The following ASF1B variants were observed in gnomAD, a reference collection of about 807,000 sequenced individuals.
The protein encoded by ASF1B is anti-silencing function 1B histone chaperone, also known as histone chaperone ASF1B.
Under a neutral mutation model 16.6 loss-of-function variants are expected in ASF1B, and 10 were observed. That is an observed-to-expected ratio of 0.60 (90% CI 0.37 to 1.02). ASF1B has a LOEUF of 1.02. ASF1B is among the 50% of genes least tolerant of loss of function. The probability of loss-of-function intolerance (pLI) is 0.01; values close to 1 mark genes in which losing one functional copy is unlikely to be tolerated. For missense variants in ASF1B, 240 were observed against 266.0 expected, an observed-to-expected ratio of 0.90 and a Z score of 0.68; for synonymous variants, 101 against 106.2, an observed-to-expected ratio of 0.95 and a Z score of 0.30.
intron 1 of ASF1B, among the ~76,000 whole-genome samples, chr19:14,130,443 A>G (rs558428690): frequency 2.8e-4 from 42 of 151,628 alleles, no homozygotes; most frequent in Non-Finnish European, 4.7e-4. Context: ...CTGAGGTGGG[A>G]GGACTGCTTA....
intron 1 of ASF1B, among the ~76,000 whole-genome samples, chr19:14,128,374 T>C (rs937786973): frequency 6.6e-6 from 1 of 152,200 alleles, no homozygotes; most frequent in African/African-American, 2.4e-5. Context: ...TGTCCCTTTG[T>C]GGTTTCACTC....
chr19:14,124,844 A>C (rs1967294648), intron 2 of ASF1B, among the ~76,000 whole-genome samples: 2 of 152,250 alleles, frequency 1.3e-5, no homozygotes. Context: ...GCTGAAGTGC[A>C]GTGTAGGATA....
chr19:14,128,440 T>C (rs1198710107), intron 1 of ASF1B, among the ~76,000 whole-genome samples: 1 of 152,160 alleles, frequency 6.6e-6, no homozygotes. Flanking sequence ...CACAGGTGTT[T>C]GGTCGAACTA....
chr19:14,122,309 T>C (rs1414822351), intron 2 of ASF1B, among the ~76,000 whole-genome samples: 2 of 151,162 alleles, frequency 1.3e-5, no homozygotes, highest in Non-Finnish European at 2.9e-5. Context: ...TCAGGTGATC[T>C]GCCCACCTCG....
At chr19:14,123,566 G>A (rs1006432655) in intron 2 of ASF1B, among the ~76,000 whole-genome samples, 2 of 151,658 alleles carry the variant, frequency 1.3e-5, no homozygotes, top group Non-Finnish European at 2.9e-5. Context: ...TTTTTTAGTA[G>A]AGATGGGGCT....
chr19:14,133,656 A>G (rs74431184), intron 1 of ASF1B, among the ~76,000 whole-genome samples: 32,613 of 151,558 alleles, frequency 0.22, 4,871 homozygotes, highest in African/African-American at 0.43. Flanking sequence ...GGACAAGAGC[A>G]AGACTTCATC....
At position 14,120,634 on chromosome 19, in the gene ASF1B, C is replaced by A. The variant is rs200801036; in HGVS notation, c.434G>T (p.Arg145Leu). The A allele has an allele frequency of 1.2e-6, 2 of 1,613,982 alleles. No individual in the cohort carries two copies. The highest frequency in any genetic ancestry group is 1.7e-5 in the Admixed American group (1 of 59,992). Residue 145 changes from arginine to leucine, a missense_variant, in exon 4 of 4, where the codon CGG becomes CTG. By Grantham distance (102) the Arg-to-Leu change is moderately radical (BLOSUM62 -2). Coordinates refer to ENST00000263382, the MANE Select transcript of ASF1B (RefSeq NM_018154.3). ...LQRNILASNP[R>L]VTRFHINWDN... is the part of the protein sequence containing the mutation. Reference sequence around the variant, plus strand: ...CCAGTTGATATGGAAGCGGGTCACCCGGGGGTTCGAGGCCAAGATGTTCCG... The same window carrying A: ...CCAGTTGATATGGAAGCGGGTCACCAGGGGGTTCGAGGCCAAGATGTTCCG...
At position 14,121,604 on chromosome 19, in the gene ASF1B, G is replaced by C; in HGVS notation, c.330C>G (p.Gly110=). ...TGAGGTACTCGTTGTTGACGTAGTAGCCCACTCGGATGAACTCCTGTCCAT... is the reference window on the plus strand; with the variant it reads ...TGAGGTACTCGTTGTTGACGTAGTACCCCACTCGGATGAACTCCTGTCCAT... ...TYHGQEFIRV[G]YYVNNEYLNP... Residue 110 remains glycine (G), a synonymous_variant, in exon 3 of 4, where the codon GGC becomes GGG. Coordinates refer to ENST00000263382, the MANE Select transcript of ASF1B (RefSeq NM_018154.3). 6 of 1,613,996 alleles carry C rather than the reference G, an allele frequency of 3.7e-6. No homozygotes were observed. Among genetic ancestry groups the C allele is most frequent in the Non-Finnish European group, 5.1e-6 (6 of 1,179,998 alleles).
At chr19:14,123,381 T>C (rs1039766844) in intron 2 of ASF1B, among the ~76,000 whole-genome samples, 107 of 143,126 alleles carry the variant, frequency 7.5e-4, no homozygotes, top group East Asian at 2.2e-3. Context: ...CTTTCTTCTT[T>C]TTTTTTTTTT....
chr19:14,127,326 G>A (rs1483726346), intron 1 of ASF1B, among the ~76,000 whole-genome samples: 11 of 152,188 alleles, frequency 7.2e-5, no homozygotes, highest in South Asian at 2.1e-4. Context: ...TAAGAGCCAC[G>A]TGACACAGAC....
rs1967231849 is a variant in ASF1B at position 14,121,274 on chromosome 19, CAT to C, written c.402+256_402+257del. ...TAGAGCACACCACCCATGTCTGGCT[CAT>C]TTTTTTTTTTTTTTTTTTTTGCGGG... On this transcript the variant is annotated intron_variant, in intron 3 of 3. Coordinates refer to ENST00000263382, the MANE Select transcript of ASF1B (RefSeq NM_018154.3). 3 of 458,258 alleles carry C rather than the reference CAT, an allele frequency of 6.5e-6. No individual in the cohort carries two copies. In the East Asian group the frequency reaches 1.0e-4, roughly 16 times the overall value. The allele number at this position is 458,258 out of a possible 1,614,324, so 28.4% of individuals were successfully genotyped here.
chr19:14,121,730 C>T (rs1349706071), intron 2 of ASF1B, 22 bp from the exon 3 acceptor site: 1 of 1,598,220 alleles, frequency 6.3e-7, no homozygotes, highest in East Asian at 2.2e-5. Context: ...ACATCCTAGG[C>T]CTTAGCAGTG....
rs546178110 is a variant in ASF1B, at chr19:14,136,165, T to A, written c.109+183A>T. ...GAGGAGGTCACGGGGAGGTCCGTGT[T>A]GGCTGGTGGCGGGGGGTCTCCACCG... On this transcript the variant is annotated intron_variant, in intron 1 of 3. Transcript: ENST00000263382. Among the ~76,000 whole-genome samples the A allele has an allele frequency of 7.1e-3, 493 of 69,748 alleles. 4 individuals carry two copies. The highest frequency in any genetic ancestry group is 0.027 in the African/African-American group (475 of 17,532). The allele number at this position is 69,748 out of a possible 152,430, so 45.8% of individuals were successfully genotyped here.
intron 3 of ASF1B, 94 bp from the exon 4 acceptor site, chr19:14,120,759 G>A: frequency 8.8e-7 from 1 of 1,137,100 alleles, no homozygotes; most frequent in Admixed American, 2.1e-5. Context: ...CTCAAGCCCA[G>A]CAAGAGCAAC....
At chr19:14,125,320 G>A (rs979192185) in intron 2 of ASF1B, among the ~76,000 whole-genome samples, 14 of 151,466 alleles carry the variant, frequency 9.2e-5, no homozygotes, top group Non-Finnish European at 1.6e-4. Context: ...ACCAGCTGAC[G>A]AAAATGTGAC....
In ASF1B at chr19:14,120,389, G is replaced by A; in HGVS notation, c.*70C>T. On this transcript the variant is annotated 3_prime_UTR_variant, in exon 4 of 4. Coordinates refer to ENST00000263382, the MANE Select transcript of ASF1B (RefSeq NM_018154.3). Reference sequence around the variant, plus strand: ...GATGGCCCCCAAAGTCCTCTAGATGGGCCCTGCAGGACTCGCTGGGAGGCC... The same window carrying A: ...GATGGCCCCCAAAGTCCTCTAGATGAGCCCTGCAGGACTCGCTGGGAGGCC... The A allele has an allele frequency of 6.7e-7, 1 of 1,488,428 alleles. No individual in the cohort carries two copies. The highest frequency in any genetic ancestry group is 9.2e-7 in the Non-Finnish European group (1 of 1,085,970). The allele number at this position is 1,488,428 out of a possible 1,614,324, so 92.2% of individuals were successfully genotyped here.
intron 3 of ASF1B, 141 bp from the exon 4 acceptor site, chr19:14,120,806 A>G: frequency 1.5e-6 from 1 of 662,114 alleles, no homozygotes; most frequent in Non-Finnish European, 2.6e-6. Context: ...TGTGGCCAGG[A>G]CCTTATTTAT....
intron 1 of ASF1B, 130 bp downstream of exon 1, chr19:14,136,218 G>A (rs1333419083): frequency 3.1e-5 from 21 of 683,548 alleles, no homozygotes; most frequent in Non-Finnish European, 2.7e-5. Flanking sequence ...GCGGGCTGGG[G>A]GAGATCGGGG....
intron 1 of ASF1B, 150 bp downstream of exon 1, chr19:14,136,198 C>G: frequency 2.0e-6 from 1 of 500,570 alleles, no homozygotes; most frequent in Non-Finnish European, 3.3e-6. Context: ...CCGGGAGATC[C>G]GGTTGACTGG....
Sources: allele counts gnomAD v4.1 joint callset (sites outside exome capture counted in the v4.1 genomes callset), GRCh38; gene constraint gnomAD v4.1.1; transcripts MANE v1.5; gene names NCBI Gene and HGNC (gene_info 2026-07-23, HGNC 2026-07-21).